GALNT13: variants seen among roughly 807,000 people sequenced by gnomAD.
GALNT13 encodes UDP-GalNAc:polypeptide N-acetylgalactosaminyltransferase 13.
A neutral mutation model predicts 64.2 loss-of-function variants in GALNT13; 28 were observed. The ratio of observed to expected loss-of-function variants is 0.44; its 90% confidence interval spans 0.32 to 0.60. GALNT13 has a LOEUF of 0.60. Among genes scored for constraint, GALNT13 ranks in the 20% least tolerant of loss-of-function variants. The probability of loss-of-function intolerance (pLI) is 0.05; values close to 1 mark genes in which losing one functional copy is unlikely to be tolerated. For missense variants in GALNT13, 577 were observed against 669.8 expected (o/e 0.86, Z 1.53); for synonymous variants, 214 against 224.6 (o/e 0.95, Z 0.42).
the GALNT13 span, among the ~76,000 whole-genome samples, chr2:153,571,932 G>A: frequency 6.9e-6 from 1 of 145,160 alleles, no homozygotes; most frequent in African/African-American, 2.8e-5. Flanking sequence ...TGTTTGTTAG[G>A]TTTTGGTATC....
chr2:154,143,061 G>A (rs1683356949), intron 4 of GALNT13, among the ~76,000 whole-genome samples: 1 of 152,118 alleles, frequency 6.6e-6, no homozygotes, highest in African/African-American at 2.4e-5. Context: ...CCAGTTTTGT[G>A]GAAGACAATT....
the GALNT13 span, among the ~76,000 whole-genome samples, chr2:153,264,260 T>C: frequency 1.3e-5 from 2 of 151,890 alleles, no homozygotes; most frequent in African/African-American, 2.4e-5. Context: ...CCAGTTTGAA[T>C]GGCGACTATT....
At chr2:153,441,351 C>A in the GALNT13 span, among the ~76,000 whole-genome samples, 6 of 152,244 alleles carry the variant, frequency 3.9e-5, no homozygotes, top group East Asian at 1.9e-4. Flanking sequence ...GTTACTGTAG[C>A]CTTGTAGTAT....
the GALNT13 span, among the ~76,000 whole-genome samples, chr2:153,738,591 C>T: frequency 2.6e-5 from 4 of 151,708 alleles, no homozygotes; most frequent in East Asian, 5.8e-4. Flanking sequence ...TTGGTTTATG[C>T]TTTTCAAAAA....
chr2:154,421,061 A>T (rs750421469), intron 11 of GALNT13, among the ~76,000 whole-genome samples: 1 of 152,162 alleles, frequency 6.6e-6, no homozygotes, highest in Non-Finnish European at 1.5e-5. Context: ...ATAGCACAAT[A>T]AGGCCAAGAT....
chr2:153,522,164 C>T, the GALNT13 span, among the ~76,000 whole-genome samples: 3,509 of 152,094 alleles, frequency 0.023, 128 homozygotes, highest in African/African-American at 0.08. Flanking sequence ...GAAAGCCTGT[C>T]TCTACTAAAA....
the GALNT13 span, among the ~76,000 whole-genome samples, chr2:153,497,028 A>T: frequency 6.6e-6 from 1 of 151,894 alleles, no homozygotes; most frequent in African/African-American, 2.4e-5. Context: ...AAAGAAAAAA[A>T]AGAATGTATC....
rs144093709 is a variant in GALNT13 at position 154,144,794 on chromosome 2, C to A, written c.311+4289C>A. Among the ~76,000 whole-genome samples the A allele has an allele frequency of 9.5e-3, 1,442 of 151,856 alleles. 19 individuals are homozygous for A. The highest frequency in any genetic ancestry group is 0.033 in the African/African-American group (1,349 of 41,486). On this transcript the variant is annotated intron_variant, in intron 4 of 12. Coordinates refer to ENST00000392825, the MANE Select transcript of GALNT13 (RefSeq NM_052917.4). ...TTTTCTTGGAGGCAGTTGTGAATAA[C>A]CATCAGGACAAATTGAAGTTCTGTT...
At chr2:153,562,214 C>T in the GALNT13 span, among the ~76,000 whole-genome samples, 1 of 151,900 alleles carries the variant, frequency 6.6e-6, no homozygotes, top group Admixed American at 6.6e-5. Context: ...AAAAATAGTC[C>T]AGTGTGTACT....
the GALNT13 span, among the ~76,000 whole-genome samples, chr2:153,081,043 G>T: frequency 1.3e-5 from 2 of 151,752 alleles, no homozygotes; most frequent in Non-Finnish European, 2.9e-5. Flanking sequence ...AAATATGTGT[G>T]CTTCTTATAT....
the GALNT13 span, among the ~76,000 whole-genome samples, chr2:153,845,855 G>GA: frequency 6.6e-6 from 1 of 151,682 alleles, no homozygotes; most frequent in Admixed American, 6.6e-5. Flanking sequence ...AAGTAAACAG[G>GA]AAAAAAATGT....
the GALNT13 span, among the ~76,000 whole-genome samples, chr2:153,291,234 T>C: frequency 5.5e-3 from 833 of 152,330 alleles, 6 homozygotes; most frequent in Non-Finnish European, 6.8e-3. Context: ...CAGAATGATA[T>C]AGCATTTGCA....
At chr2:154,337,573 T>C (rs1249839045) in intron 9 of GALNT13, among the ~76,000 whole-genome samples, 1 of 152,104 alleles carries the variant, frequency 6.6e-6, no homozygotes, top group South Asian at 2.1e-4. Context: ...AACATTTTAG[T>C]GCTTAGCATT....
the GALNT13 span, among the ~76,000 whole-genome samples, chr2:153,118,147 C>CACACA: frequency 0.11 from 14,973 of 140,044 alleles, 1,104 homozygotes; most frequent in Middle Eastern, 0.14. Flanking sequence ...ACACACACAC[C>CACACA]CCACATAAAC....
chr2:154,115,295 TTTA>T (rs1015815467), intron 3 of GALNT13, among the ~76,000 whole-genome samples: 23 of 152,260 alleles, frequency 1.5e-4, no homozygotes, highest in African/African-American at 5.3e-4. Flanking sequence ...TTTATCTATT[TTTA>T]TTATTATTGT....
the GALNT13 span, among the ~76,000 whole-genome samples, chr2:153,280,744 G>C: frequency 2.0e-4 from 30 of 152,074 alleles, no homozygotes; most frequent in African/African-American, 6.8e-4. Context: ...GTATGATTTT[G>C]ATTTTTTTGA....
chr2:153,885,326 G>A (rs557960960), intron 1 of GALNT13, among the ~76,000 whole-genome samples: 1 of 151,972 alleles, frequency 6.6e-6, no homozygotes, highest in East Asian at 1.9e-4. Context: ...TCTTTACTTT[G>A]TGTCTAACTG....
chr2:154,000,413 C>G (rs1465143708), intron 3 of GALNT13, among the ~76,000 whole-genome samples: 2 of 151,720 alleles, frequency 1.3e-5, no homozygotes, highest in Non-Finnish European at 2.9e-5. Context: ...TTATTTGAAA[C>G]CTTTCTTCTT....
At chr2:153,319,841 A>G in the GALNT13 span, among the ~76,000 whole-genome samples, 1 of 152,146 alleles carries the variant, frequency 6.6e-6, no homozygotes, top group South Asian at 2.1e-4. Context: ...CATGGTTCCC[A>G]TTTCTCATGC....
Sources: gnomAD v4.1 joint callset for allele counts (sites outside exome capture counted in the v4.1 genomes callset) on GRCh38, gnomAD v4.1.1 for gene constraint, MANE v1.5 for transcripts, NCBI Gene and HGNC (gene_info 2026-07-23, HGNC 2026-07-21) for gene names.